TRMT61B: variants seen among roughly 807,000 people sequenced by gnomAD.
TRMT61B encodes tRNA (adenine(58)-N(1))-methyltransferase, mitochondrial.
In TRMT61B, 56 loss-of-function variants were observed where a neutral mutation model predicts 52.0. The ratio of observed to expected loss-of-function variants is 1.08; its 90% CI spans 0.87 to 1.35. TRMT61B has a LOEUF of 1.35. Ranked by LOEUF, TRMT61B falls within the 40% of genes most tolerant of loss-of-function variation. The pLI is 0.00. For synonymous variants in TRMT61B, 206 were observed against 220.0 expected (o/e 0.94, Z 0.56); for missense variants, 650 against 577.9 (o/e 1.12, Z -1.28).
chr2:28,863,819 A>G (rs1669712666), intron 2 of TRMT61B, among the ~76,000 whole-genome samples: 1 of 152,200 alleles, frequency 6.6e-6, no homozygotes, highest in Non-Finnish European at 1.5e-5. Context: ...TAATTTCAGC[A>G]TATTTCTATC....
intron 2 of TRMT61B, among the ~76,000 whole-genome samples, chr2:28,864,055 G>T (rs917637483): frequency 1.3e-4 from 20 of 151,706 alleles, no homozygotes; most frequent in Non-Finnish European, 2.5e-4. Context: ...CTTGATTTTT[G>T]ATCAGACACC....
intron 2 of TRMT61B, among the ~76,000 whole-genome samples, chr2:28,862,895 T>C (rs1429149221): frequency 6.7e-6 from 1 of 149,712 alleles, no homozygotes; most frequent in East Asian, 2.0e-4. Context: ...TGTGTGTGTG[T>C]GTGTATGTGA....
intron 1 of TRMT61B, among the ~76,000 whole-genome samples, chr2:28,865,377 C>T (rs1296258536): frequency 1.3e-5 from 2 of 152,234 alleles, no homozygotes; most frequent in African/African-American, 4.8e-5. Context: ...AGTTTAAAGA[C>T]AAAGAGTAGA....
At chr2:28,864,391 G>A (rs1669739063) in intron 2 of TRMT61B, among the ~76,000 whole-genome samples, 1 of 151,980 alleles carries the variant, frequency 6.6e-6, no homozygotes, top group South Asian at 2.1e-4. Context: ...GGTAAATTGT[G>A]ATTTAAATAG....
chr2:28,864,304 A>C (rs1430543134), intron 2 of TRMT61B, among the ~76,000 whole-genome samples: 1 of 152,114 alleles, frequency 6.6e-6, no homozygotes, highest in East Asian at 1.9e-4. Flanking sequence ...TTCAACAATA[A>C]CATGACAAGT....
chr2:28,867,200 A>G (rs1329613989), intron 1 of TRMT61B, among the ~76,000 whole-genome samples: 1 of 152,066 alleles, frequency 6.6e-6, no homozygotes, highest in Non-Finnish European at 1.5e-5. Flanking sequence ...GGCTCAAACA[A>G]TCCTCCCATC....
intron 1 of TRMT61B, among the ~76,000 whole-genome samples, chr2:28,868,978 T>C (rs1669965616): frequency 6.6e-6 from 1 of 152,144 alleles, no homozygotes; most frequent in African/African-American, 2.4e-5. Flanking sequence ...CACTCCAGCC[T>C]GGATGACAGA....
At chr2:28,862,517 A>AATCTCACAAACATAATAATGAAT (rs1669652659) in intron 2 of TRMT61B, among the ~76,000 whole-genome samples, 2 of 151,086 alleles carry the variant, frequency 1.3e-5, no homozygotes, top group Admixed American at 6.6e-5. Context: ...TATTTTTGGT[A>AATCTCACAAACATAATAATGAAT]GAGACAGGGT....
intron 3 of TRMT61B, among the ~76,000 whole-genome samples, chr2:28,854,738 C>CA (rs57513823): frequency 0.011 from 920 of 86,322 alleles, 26 homozygotes; most frequent in African/African-American, 0.014. Flanking sequence ...GACTCCGTCT[C>CA]AAAAAAAAAA....
At chr2:28,863,430 C>CAAAA (rs61373068) in intron 2 of TRMT61B, among the ~76,000 whole-genome samples, 1 of 119,592 alleles carries the variant, frequency 8.4e-6, no homozygotes, top group African/African-American at 3.2e-5. Flanking sequence ...GAACCCGCCT[C>CAAAA]AAAAAAAAAA....
At position 28,854,738 on chromosome 2, in the gene TRMT61B, CAAAAAAAAAAAAAA is replaced by C. The variant is rs57513823; in HGVS notation, c.994-2253_994-2240del. The stretch of plus-strand genomic sequence containing the variant: ...TGGGCGACAGAGCGAGACTCCGTCT[CAAAAAAAAAAAAAA>C]AAAAAAAAAAAAAAAAAAACTGCCA... On this transcript the variant is annotated intron_variant, in intron 3 of 6. Transcript: ENST00000306108. Among the ~76,000 whole-genome samples, 14 of 86,412 alleles carry C rather than the reference CAAAAAAAAAAAAAA, an allele frequency of 1.6e-4. 1 individual carries two copies. The East Asian group carries it at 3.8e-3, about 24-fold the overall frequency. The allele number at this position is 86,412 out of a possible 152,430, so 56.7% of individuals were successfully genotyped here.
At chr2:28,853,565 A>G (rs1185648327) in intron 3 of TRMT61B, among the ~76,000 whole-genome samples, 1 of 152,002 alleles carries the variant, frequency 6.6e-6, no homozygotes, top group Non-Finnish European at 1.5e-5. Context: ...GGCCAGAGGC[A>G]GTGGCTCACG....
intron 2 of TRMT61B, chr2:28,861,531 T>C (rs1669597487): frequency 4.1e-6 from 2 of 484,664 alleles, no homozygotes; most frequent in South Asian, 5.7e-5. Flanking sequence ...TCACTGCCTA[T>C]ACAAGCATGC....
At chr2:28,850,476 A>C (rs571029213) in intron 5 of TRMT61B, 71 bp from the exon 6 acceptor site, 2 of 1,021,686 alleles carry the variant, frequency 2.0e-6, no homozygotes, top group East Asian at 5.2e-5. Flanking sequence ...AACTGTTAAA[A>C]TATGAGTTAC....
chr2:28,858,794 C>CA (rs1033258916), intron 3 of TRMT61B, among the ~76,000 whole-genome samples: 3,007 of 23,458 alleles, frequency 0.13, 399 homozygotes, highest in Non-Finnish European at 0.14. Flanking sequence ...GACTCCGTCT[C>CA]AAAAAAAAAA....
At chr2:28,865,820 A>G (rs1480325684) in intron 1 of TRMT61B, among the ~76,000 whole-genome samples, 1 of 150,536 alleles carries the variant, frequency 6.6e-6, no homozygotes, top group Non-Finnish European at 1.5e-5. Context: ...AGCTGGGATT[A>G]CAGGTGCCTG....
At chr2:28,866,659 G>A (rs1342223267) in intron 1 of TRMT61B, among the ~76,000 whole-genome samples, 12 of 152,150 alleles carry the variant, frequency 7.9e-5, no homozygotes, top group Non-Finnish European at 1.6e-4. Context: ...CCTGGGGGTA[G>A]GGGAGCCCTG....
chr2:28,867,294 T>C (rs1344558872), intron 1 of TRMT61B, among the ~76,000 whole-genome samples: 1 of 151,954 alleles, frequency 6.6e-6, no homozygotes, highest in Non-Finnish European at 1.5e-5. Context: ...AAGGTCTCCC[T>C]ATGTTGCCCC....
chr2:28,853,506 T>C (rs28533071), intron 3 of TRMT61B, among the ~76,000 whole-genome samples: 5,523 of 152,298 alleles, frequency 0.036, 361 homozygotes, highest in African/African-American at 0.13. Context: ...CCAAAACTTA[T>C]AAATTTAAAT....
Sources: allele counts gnomAD v4.1 joint callset (sites outside exome capture counted in the v4.1 genomes callset), GRCh38; gene constraint gnomAD v4.1.1; transcripts MANE v1.5; gene names NCBI Gene and HGNC (gene_info 2026-07-23, HGNC 2026-07-21).